CUBN: variants seen among roughly 807,000 people sequenced by gnomAD.
The protein encoded by CUBN is 460 kDa receptor.
A neutral mutation model predicts 405.3 loss-of-function variants in CUBN; 282 were observed. The observed-to-expected ratio is 0.70, with a 90% CI of 0.63 to 0.77. The LOEUF (loss-of-function observed/expected upper bound fraction) is 0.77, where lower values mean the gene tolerates loss of function less well. Among genes scored for constraint, CUBN ranks in the 30% least tolerant of loss-of-function variants. The pLI is 0.00. For synonymous variants in CUBN, 1,684 were observed against 1,617.0 expected (o/e 1.04, Z -0.99); for missense variants, 4,514 against 4,475.2 (o/e 1.01, Z -0.25).
rs1840525592 is a variant in CUBN, at chr10:16,877,000, A to T, written c.9003T>A (p.Asp3001Glu). 1 of 1,611,152 alleles carries T rather than the reference A, an allele frequency of 6.2e-7. No individual in the cohort carries two copies. The highest frequency in any genetic ancestry group is 1.3e-5 in the African/African-American group (1 of 74,884). ...MSTPFATVCG[D>E]EMPAPLTIAG... ...CGATGGTGAGGGGAGCTGGCATCTC[A>T]TCCCCACACACAGTAGCAAATGGGG... The change falls in exon 57 of 67, where the codon GAT (aspartate) becomes GAA (glutamate). Residue 3001 changes from aspartate to glutamate, a missense_variant. Physicochemically the swap from Asp to Glu is conservative, Grantham distance 45. Coordinates refer to ENST00000377833, the MANE Select transcript of CUBN (RefSeq NM_001081.4).
At chr10:16,944,691 AC>A (rs953720946) in intron 36 of CUBN, among the ~76,000 whole-genome samples, 1 of 152,244 alleles carries the variant, frequency 6.6e-6, no homozygotes, top group Non-Finnish European at 1.5e-5. Context: ...ATCAAAATTA[AC>A]TTCTTACAGG....
At chr10:17,042,199 C>T (rs1045518310) in intron 26 of CUBN, among the ~76,000 whole-genome samples, 2 of 152,150 alleles carry the variant, frequency 1.3e-5, no homozygotes, top group Non-Finnish European at 2.9e-5. Context: ...TACTTAAACC[C>T]ATTCTGTTTG....
chr10:17,084,563 C>T lies in CUBN; in HGVS notation c.2111-102G>A. On this transcript the variant is annotated intron_variant, in intron 16 of 66. Transcript: ENST00000377833. ...AAATTTACCCACACACACACACACA[C>T]AAGCACATATCCATTTTATTCACCC... 4.5e-6 allele frequency: 4 copies of T among 886,370 alleles called. No homozygotes were observed. In the South Asian group the frequency reaches 5.7e-5, roughly 13 times the overall value. The allele number at this position is 886,370 out of a possible 1,614,324, so 54.9% of individuals were successfully genotyped here. A position where few individuals can be genotyped will look rare whatever the true frequency, so the allele number is the denominator to read the frequency against.
Position 17,079,305 on chromosome 10 carries a change from A to G in CUBN, c.2301+4966T>C, listed in dbSNP as rs937833235. On this transcript the variant is annotated intron_variant, in intron 17 of 66. Transcript: ENST00000377833. ...AGCTGGAGTATAGTGGCGTGATTTC[A>G]GCTCACTGCAACCTCCACCTCTTGG... Among the ~76,000 whole-genome samples, 7 of 142,572 alleles carry G rather than the reference A, an allele frequency of 4.9e-5. No homozygotes were observed. In the South Asian group the frequency reaches 1.5e-3, roughly 31 times the overall value. 93.5% of individuals were successfully genotyped at this position (142,572 alleles called of 152,430 possible). A position where few individuals can be genotyped will look rare whatever the true frequency, so the allele number is the denominator to read the frequency against.
intron 31 of CUBN, among the ~76,000 whole-genome samples, chr10:16,959,824 T>C (rs554208406): frequency 6.6e-6 from 1 of 152,334 alleles, no homozygotes; most frequent in Non-Finnish European, 1.5e-5. Context: ...CAAATGATAT[T>C]ACTATTGGAT....
intron 22 of CUBN, among the ~76,000 whole-genome samples, chr10:17,055,941 A>G (rs959997054): frequency 2.6e-4 from 40 of 152,270 alleles, no homozygotes; most frequent in Admixed American, 4.6e-4. Flanking sequence ...GACACAAAAA[A>G]TCTAGGATAG....
rs753532873 is a variant in CUBN, at chr10:17,065,468, TGG to T, written c.3139+38_3139+39del. ...TTTAGCTATTAGCACTGTTTTGCAATGGAGTCAATAAAACCGAGTATGCAATG... is the reference window on the plus strand; with the variant it reads ...TTTAGCTATTAGCACTGTTTTGCAATAGTCAATAAAACCGAGTATGCAATG... On this transcript the variant is annotated intron_variant, in intron 22 of 66. Coordinates refer to ENST00000377833, the MANE Select transcript of CUBN (RefSeq NM_001081.4). 2.1e-5 allele frequency: 34 copies of T among 1,610,850 alleles called. 1 individual carries two copies. The South Asian group carries it at 3.7e-4, about 18-fold the overall frequency.
At chr10:17,040,235 C>G (rs1834988302) in intron 27 of CUBN, among the ~76,000 whole-genome samples, 2 of 152,058 alleles carry the variant, frequency 1.3e-5, no homozygotes, top group Non-Finnish European at 2.9e-5. Flanking sequence ...AGAGCAAGTA[C>G]TTATCACTTC....
intron 59 of CUBN, among the ~76,000 whole-genome samples, chr10:16,864,745 G>C (rs537448505): frequency 2.4e-4 from 35 of 148,624 alleles, no homozygotes; most frequent in Non-Finnish European, 5.0e-4. Context: ...TCACCTCCCA[G>C]GTTCAAGCGA....
At chr10:16,832,862 A>C (rs1238948378) in intron 64 of CUBN, among the ~76,000 whole-genome samples, 5 of 152,194 alleles carry the variant, frequency 3.3e-5, no homozygotes, top group Non-Finnish European at 5.9e-5. Context: ...GCAGTTCACA[A>C]GAACGGAATG....
intron 40 of CUBN, among the ~76,000 whole-genome samples, chr10:16,930,401 T>A (rs963140137): frequency 2.0e-5 from 3 of 152,226 alleles, no homozygotes; most frequent in African/African-American, 7.2e-5. Flanking sequence ...CACTTTGCTG[T>A]ATGCAAGGGC....
intron 28 of CUBN, among the ~76,000 whole-genome samples, chr10:16,998,462 C>T (rs576721109): frequency 3.9e-5 from 6 of 152,268 alleles, no homozygotes; most frequent in Non-Finnish European, 8.8e-5. Context: ...TCCCTAGAGC[C>T]GTCAGAGGGA....
Position 16,925,350 on chromosome 10 carries a change from A to T in CUBN, c.6537T>A (p.His2179Gln), listed in dbSNP as rs779360831. The change falls in exon 43 of 67, where the codon CAT becomes CAA. Residue 2179 changes from histidine (H) to glutamine (Q), a missense_variant. His to Gln is a conservative substitution (Grantham distance 24). Transcript: ENST00000377833. The part of the protein sequence containing the change: ...PGGNGHFCGS[H>Q]ASSTLFTSDN... ...CCGAGGTGAACAGAGTTGATGAAGC[A>T]TGACTGCCACAAAAATGACCATTTC... The T allele has an allele frequency of 6.2e-7, 1 of 1,613,972 alleles. No homozygotes were observed. The highest frequency in any genetic ancestry group is 8.5e-7 in the Non-Finnish European group (1 of 1,179,866).
chr10:16,967,418 G>C (rs1172126816), intron 31 of CUBN, among the ~76,000 whole-genome samples: 1 of 152,152 alleles, frequency 6.6e-6, no homozygotes, highest in Non-Finnish European at 1.5e-5. Context: ...AGCTGAAATG[G>C]AAACCAAGCC....
At position 16,855,403 on chromosome 10, in the gene CUBN, C is replaced by T. The variant is rs115635555; in HGVS notation, c.9455-3960G>A. On this transcript the variant is annotated intron_variant, in intron 59 of 66. Transcript: ENST00000377833. ...CAGCCAGAGGCCTTAAACGTGCTTACGTTTTGTTCTTGTTTTTATTGTTGT... is the reference window on the plus strand; with the variant it reads ...CAGCCAGAGGCCTTAAACGTGCTTATGTTTTGTTCTTGTTTTTATTGTTGT... 3.4e-3 allele frequency among the ~76,000 whole-genome samples: 511 copies of T among 152,174 alleles called. 9 individuals are homozygous for T. The highest frequency in any genetic ancestry group is 0.012 in the African/African-American group (485 of 41,506).
intron 48 of CUBN, among the ~76,000 whole-genome samples, chr10:16,912,035 GA>G (rs1217677378): frequency 6.6e-6 from 1 of 151,922 alleles, no homozygotes; most frequent in East Asian, 1.9e-4. Context: ...TCAATAATAG[GA>G]AAAAAGTTTC....
At chr10:17,090,845 C>T (rs1014616096) in intron 14 of CUBN, among the ~76,000 whole-genome samples, 3 of 134,434 alleles carry the variant, frequency 2.2e-5, no homozygotes, top group Non-Finnish European at 3.2e-5. Flanking sequence ...AAAAAAAAAG[C>T]AACTCTATAA....
At chr10:16,890,226 A>G in intron 55 of CUBN, 145 bp downstream of exon 55, 1 of 764,038 alleles carries the variant, frequency 1.3e-6, no homozygotes, top group Non-Finnish European at 2.3e-6. Context: ...TTTGGAAGAA[A>G]GGTGTCTTCT....
At chr10:16,942,341 C>G (rs1842674515) in intron 36 of CUBN, among the ~76,000 whole-genome samples, 2 of 152,018 alleles carry the variant, frequency 1.3e-5, no homozygotes, top group Admixed American at 1.3e-4. Context: ...AAACACATGA[C>G]CAAGGTAGTA....
Sources: gnomAD v4.1 joint callset for allele counts (sites outside exome capture counted in the v4.1 genomes callset) on GRCh38, gnomAD v4.1.1 for gene constraint, MANE v1.5 for transcripts, NCBI Gene and HGNC (gene_info 2026-07-23, HGNC 2026-07-21) for gene names.